Variants in KCNN2 observed in about 807,000 individuals in gnomAD.
The protein encoded by KCNN2 is potassium calcium-activated channel subfamily N member 2, also known as small conductance calcium-activated potassium channel protein 2.
A neutral mutation model predicts 55.5 loss-of-function variants in KCNN2; 24 were observed. That is an observed-to-expected ratio of 0.43 (90% CI 0.31 to 0.61). The LOEUF (loss-of-function observed/expected upper bound fraction) is 0.61, where lower values mean the gene tolerates loss of function less well. Among genes scored for constraint, KCNN2 ranks in the 20% least tolerant of loss-of-function variants. The probability of loss-of-function intolerance (pLI) is 0.08; values close to 1 mark genes in which losing one functional copy is unlikely to be tolerated. For synonymous variants in KCNN2, 431 were observed against 336.1 expected, an observed-to-expected ratio of 1.28 and a Z score of -3.09; for missense variants, 754 against 853.6, an observed-to-expected ratio of 0.88 and a Z score of 1.45.
intron 2 of KCNN2, among the ~76,000 whole-genome samples, chr5:114,286,502 G>A (rs1375632718): frequency 6.6e-6 from 1 of 152,172 alleles, no homozygotes; most frequent in African/African-American, 2.4e-5. Context: ...AGAGGGGCAA[G>A]TATGAAAATC....
chr5:114,235,756 C>G (rs1439357234), intron 2 of KCNN2, among the ~76,000 whole-genome samples: 1 of 152,170 alleles, frequency 6.6e-6, no homozygotes, highest in Non-Finnish European at 1.5e-5. Flanking sequence ...TCTTCTTTTC[C>G]TTACTATCTA....
chr5:114,113,766 G>T (rs951489168), intron 1 of KCNN2, among the ~76,000 whole-genome samples: 14 of 152,078 alleles, frequency 9.2e-5, no homozygotes, highest in Non-Finnish European at 1.5e-5. Flanking sequence ...GCTTGGTTGT[G>T]CAGGTTCATC....
chr5:114,394,576 C>T (rs80073086), intron 2 of KCNN2, among the ~76,000 whole-genome samples: 4,382 of 152,226 alleles, frequency 0.029, 207 homozygotes, highest in African/African-American at 0.1. Flanking sequence ...CTTCCTTTCT[C>T]CAAGGTTATG....
chr5:114,427,185 C>T (rs1436529559), intron 3 of KCNN2, among the ~76,000 whole-genome samples: 1 of 152,168 alleles, frequency 6.6e-6, no homozygotes, highest in East Asian at 1.9e-4. Flanking sequence ...CCTGGGACTT[C>T]CCTGACTTCT....
intron 1 of KCNN2, among the ~76,000 whole-genome samples, chr5:114,105,736 AAGTT>A (rs142627284): frequency 0.046 from 7,051 of 152,086 alleles, 531 homozygotes; most frequent in African/African-American, 0.16. Context: ...TCAGGAATTA[AAGTT>A]AGTCCTGAGG....
At chr5:114,476,229 G>A (rs370497994) in intron 5 of KCNN2, among the ~76,000 whole-genome samples, 1 of 132,616 alleles carries the variant, frequency 7.5e-6, no homozygotes, top group Admixed American at 9.1e-5. Flanking sequence ...CCCTTCCTGT[G>A]TCCATGTCCA....
At chr5:114,114,838 C>T (rs996315389) in intron 1 of KCNN2, among the ~76,000 whole-genome samples, 3 of 152,092 alleles carry the variant, frequency 2.0e-5, no homozygotes, top group South Asian at 2.1e-4. Context: ...GATCATTGCA[C>T]GACAATTTTA....
chr5:114,468,563 C>T (rs1348023958), intron 4 of KCNN2, among the ~76,000 whole-genome samples: 1 of 152,040 alleles, frequency 6.6e-6, no homozygotes, highest in African/African-American at 2.4e-5. Flanking sequence ...GTCTAATAAA[C>T]TGGCTGTCAA....
At chr5:114,232,288 A>G (rs751405192) in intron 2 of KCNN2, among the ~76,000 whole-genome samples, 14 of 151,322 alleles carry the variant, frequency 9.3e-5, no homozygotes, top group Non-Finnish European at 1.3e-4. Context: ...TCCACAATTT[A>G]TAACATTAAA....
chr5:114,243,873 G>A (rs1754695275), intron 2 of KCNN2, among the ~76,000 whole-genome samples: 1 of 152,182 alleles, frequency 6.6e-6, no homozygotes, highest in African/African-American at 2.4e-5. Flanking sequence ...CAGGAGATGA[G>A]CAATCTTCCA....
At chr5:114,194,557 T>C (rs1448563181) in intron 1 of KCNN2, among the ~76,000 whole-genome samples, 1 of 152,132 alleles carries the variant, frequency 6.6e-6, no homozygotes, top group Non-Finnish European at 1.5e-5. Flanking sequence ...TTTGTCTTTT[T>C]ATTATTGAGT....
At chr5:114,257,139 T>C (rs1490766958) in intron 2 of KCNN2, among the ~76,000 whole-genome samples, 1 of 152,164 alleles carries the variant, frequency 6.6e-6, no homozygotes, top group Non-Finnish European at 1.5e-5. Flanking sequence ...TGTATATTTT[T>C]ATCAACTTTG....
intron 1 of KCNN2, among the ~76,000 whole-genome samples, chr5:114,159,039 T>C (rs1306153550): frequency 6.6e-6 from 1 of 152,134 alleles, no homozygotes; most frequent in Non-Finnish European, 1.5e-5. Context: ...TCCAACACTA[T>C]GTTGGAAAGG....
chr5:114,083,984 C>A lies in KCNN2; in HGVS notation c.-271+27484C>A, dbSNP rs150362906. 4.7e-4 allele frequency among the ~76,000 whole-genome samples: 72 copies of A among 152,172 alleles called. No individual in the cohort carries two copies. In the South Asian group the frequency reaches 5.4e-3, roughly 11 times the overall value. On this transcript the variant is annotated intron_variant, in intron 1 of 10. Transcript: ENST00000512097. The stretch of plus-strand genomic sequence containing the variant: ...ACTTAGCAATATGCATTTAAAATTC[C>A]TCCATGTCTTTTCATGGCTCCATAG...
At position 114,141,958 on chromosome 5, in the gene KCNN2, G is replaced by A. The variant is rs543163104; in HGVS notation, c.-270-79522G>A. ...TGAGAAGTGTCTGTTCATATCCTTT[G>A]CCCACTTTTTGATGGGGTTGTTTGT... On this transcript the variant is annotated intron_variant, in intron 1 of 10. Transcript: ENST00000512097. Among the ~76,000 whole-genome samples the A allele has an allele frequency of 1.2e-3, 179 of 152,222 alleles. 1 individual carries two copies. Among genetic ancestry groups the A allele is most frequent in the Middle Eastern group, 0.01 (3 of 294 alleles).
At chr5:114,412,314 A>G (rs912053889) in intron 3 of KCNN2, among the ~76,000 whole-genome samples, 1 of 152,252 alleles carries the variant, frequency 6.6e-6, no homozygotes, top group East Asian at 1.9e-4. Context: ...AAATTAATTT[A>G]GCATTGCAGT....
chr5:114,276,741 G>A (rs1245008408), intron 2 of KCNN2, among the ~76,000 whole-genome samples: 3 of 150,224 alleles, frequency 2.0e-5, no homozygotes, highest in Admixed American at 1.3e-4. Flanking sequence ...TTGCACATGA[G>A]ATGGGTCTCC....
At chr5:114,101,446 A>G (rs1249850252) in intron 1 of KCNN2, among the ~76,000 whole-genome samples, 1 of 142,628 alleles carries the variant, frequency 7.0e-6, no homozygotes, top group African/African-American at 2.6e-5. Flanking sequence ...TAAAATTATT[A>G]TTATTATACT....
At chr5:114,280,774 T>G (rs1755607865) in intron 2 of KCNN2, among the ~76,000 whole-genome samples, 1 of 152,168 alleles carries the variant, frequency 6.6e-6, no homozygotes, top group African/African-American at 2.4e-5. Context: ...AAATGTTAAG[T>G]CAGATCTTAT....
Sources: allele counts gnomAD v4.1 joint callset (sites outside exome capture counted in the v4.1 genomes callset), GRCh38; gene constraint gnomAD v4.1.1; transcripts MANE v1.5; gene names NCBI Gene and HGNC (gene_info 2026-07-23, HGNC 2026-07-21).